BAALC: variants seen among roughly 807,000 people sequenced by gnomAD.
The protein encoded by BAALC is brain and acute leukemia cytoplasmic protein.
A neutral mutation model predicts 15.5 loss-of-function variants in BAALC; 9 were observed. That is an observed-to-expected ratio of 0.58 (90% CI 0.35 to 1.02). BAALC has a LOEUF of 1.02. Among genes scored for constraint, BAALC ranks in the 50% least tolerant of loss-of-function variants. The probability of loss-of-function intolerance (pLI) is 0.02; values close to 1 mark genes in which losing one functional copy is unlikely to be tolerated. For missense variants in BAALC, 201 were observed against 192.4 expected (o/e 1.04, Z -0.27); for synonymous variants, 80 against 74.6 (o/e 1.07, Z -0.37).
Position 103,224,687 on chromosome 8 carries a change from G to A in BAALC, c.328-3302G>A, listed in dbSNP as rs576887810. Among the ~76,000 whole-genome samples the A allele has an allele frequency of 2.2e-4, 33 of 151,652 alleles. 1 individual carries two copies. In the South Asian group the frequency reaches 6.9e-3, roughly 32 times the overall value. The stretch of plus-strand genomic sequence containing the variant: ...TCACCTGGATCTGGAAAGGAAGGAA[G>A]GAAAAAAAAGGAAGGGGAAAGGGGA... On this transcript the variant is annotated intron_variant, in intron 2 of 2. Coordinates refer to ENST00000309982, the MANE Select transcript of BAALC (RefSeq NM_024812.3).
chr8:103,170,470 G>T (rs144503905), intron 1 of BAALC, among the ~76,000 whole-genome samples: 1 of 152,274 alleles, frequency 6.6e-6, no homozygotes, highest in Non-Finnish European at 1.5e-5. Flanking sequence ...AATGGCTGTT[G>T]TTCTTGTAAG....
At chr8:103,201,689 G>T (rs561534672) in intron 1 of BAALC, among the ~76,000 whole-genome samples, 1 of 152,336 alleles carries the variant, frequency 6.6e-6, no homozygotes, top group East Asian at 1.9e-4. Context: ...ACAGGGAGAA[G>T]CAGCAAGGAA....
intron 2 of BAALC, among the ~76,000 whole-genome samples, chr8:103,213,791 T>C (rs1023515895): frequency 2.0e-5 from 3 of 152,102 alleles, no homozygotes; most frequent in Non-Finnish European, 4.4e-5. Context: ...CCCCACCCCC[T>C]TCAAAATCCA....
intron 1 of BAALC, among the ~76,000 whole-genome samples, chr8:103,188,464 G>T (rs1371521844): frequency 2.0e-5 from 3 of 152,184 alleles, no homozygotes; most frequent in African/African-American, 7.2e-5. Flanking sequence ...GCTGCACATG[G>T]CTTAGAAGTT....
At chr8:103,221,698 G>C (rs1056069190) in intron 2 of BAALC, among the ~76,000 whole-genome samples, 1 of 152,168 alleles carries the variant, frequency 6.6e-6, no homozygotes, top group Non-Finnish European at 1.5e-5. Context: ...CAAACTTCTA[G>C]ATAAAATATC....
At chr8:103,155,741 C>T (rs901274497) in intron 1 of BAALC, among the ~76,000 whole-genome samples, 5 of 152,198 alleles carry the variant, frequency 3.3e-5, no homozygotes, top group Admixed American at 3.3e-4. Context: ...CTCAAACAAA[C>T]GTCCCACCCC....
chr8:103,209,909 G>A (rs1179272787), intron 1 of BAALC, among the ~76,000 whole-genome samples: 1 of 152,204 alleles, frequency 6.6e-6, no homozygotes, highest in Non-Finnish European at 1.5e-5. Flanking sequence ...GGAGGACACT[G>A]AGTAGCACTA....
intron 1 of BAALC, among the ~76,000 whole-genome samples, chr8:103,154,211 G>T (rs1332441269): frequency 6.6e-6 from 1 of 152,092 alleles, no homozygotes; most frequent in African/African-American, 2.4e-5. Context: ...AGCTAACTCT[G>T]TTATTTCCAT....
chr8:103,156,661 GTCTC>G (rs781380348), intron 1 of BAALC, among the ~76,000 whole-genome samples: 1 of 152,234 alleles, frequency 6.6e-6, no homozygotes, highest in Non-Finnish European at 1.5e-5. Flanking sequence ...ATCTCACTGT[GTCTC>G]TCTGAGTTTC....
chr8:103,222,865 A>G (rs1475564261), intron 2 of BAALC, among the ~76,000 whole-genome samples: 2 of 152,214 alleles, frequency 1.3e-5, no homozygotes, highest in Non-Finnish European at 2.9e-5. Context: ...TCGTTTCAGT[A>G]TAATGAGGCT....
chr8:103,216,665 G>A (rs1254803227), intron 2 of BAALC, among the ~76,000 whole-genome samples: 3 of 152,042 alleles, frequency 2.0e-5, no homozygotes, highest in African/African-American at 7.2e-5. Flanking sequence ...TTGCAGAGAG[G>A]AGATCTCACT....
At chr8:103,224,355 A>G (rs1256142133) in intron 2 of BAALC, among the ~76,000 whole-genome samples, 1 of 150,276 alleles carries the variant, frequency 6.7e-6, no homozygotes, top group Non-Finnish European at 1.5e-5. Context: ...GGCATGAGAC[A>G]TCAATCAAAT....
At chr8:103,163,413 C>G (rs1811273178) in intron 1 of BAALC, among the ~76,000 whole-genome samples, 2 of 152,156 alleles carry the variant, frequency 1.3e-5, no homozygotes, top group Non-Finnish European at 2.9e-5. Context: ...CAAATACTGT[C>G]AGCCAAGTTC....
rs1220195252 is a variant in BAALC at position 103,229,509 on chromosome 8, T to C, written c.*1410T>C. On this transcript the variant is annotated 3_prime_UTR_variant, in exon 3 of 3. Coordinates refer to ENST00000309982, the MANE Select transcript of BAALC (RefSeq NM_024812.3). Reference sequence around the variant, plus strand: ...CTTCCTTCCTTCCATTGGCAGATTGTATATTTATTCACAAAACATTAAATG... The same window carrying C: ...CTTCCTTCCTTCCATTGGCAGATTGCATATTTATTCACAAAACATTAAATG... 1.3e-5 allele frequency: 2 copies of C among 152,202 alleles called. No homozygotes were observed. Among genetic ancestry groups the C allele is most frequent in the African/African-American group, 4.8e-5 (2 of 41,442 alleles). The allele number at this position is 152,202 out of a possible 1,614,324, so 9.4% of individuals were successfully genotyped here.
chr8:103,162,778 T>C (rs1475349204), intron 1 of BAALC, among the ~76,000 whole-genome samples: 2 of 152,112 alleles, frequency 1.3e-5, no homozygotes, highest in African/African-American at 4.8e-5. Flanking sequence ...ATAAAGGACC[T>C]GAGATTTTAC....
At chr8:103,216,122 G>A (rs188682971) in intron 2 of BAALC, among the ~76,000 whole-genome samples, 29 of 152,172 alleles carry the variant, frequency 1.9e-4, no homozygotes, top group African/African-American at 7.2e-5. Context: ...CATTTTCATC[G>A]TTATGTATAT....
chr8:103,203,422 A>G (rs1022224441), intron 1 of BAALC, among the ~76,000 whole-genome samples: 1 of 152,240 alleles, frequency 6.6e-6, no homozygotes, highest in African/African-American at 2.4e-5. Context: ...GAAAAATGAC[A>G]GCTTTGTTGA....
At chr8:103,185,570 C>A (rs1477259301) in intron 1 of BAALC, among the ~76,000 whole-genome samples, 1 of 152,248 alleles carries the variant, frequency 6.6e-6, no homozygotes, top group African/African-American at 2.4e-5. Context: ...ACAAAGACAT[C>A]AGTGCTTCAG....
At chr8:103,187,753 C>A (rs117858094) in intron 1 of BAALC, among the ~76,000 whole-genome samples, 373 of 152,278 alleles carry the variant, frequency 2.4e-3, no homozygotes, top group Non-Finnish European at 4.1e-3. Context: ...CTGGGTCCTT[C>A]TTCCCTTAGA....
Sources: gnomAD v4.1 joint callset for allele counts (sites outside exome capture counted in the v4.1 genomes callset) on GRCh38, gnomAD v4.1.1 for gene constraint, MANE v1.5 for transcripts, NCBI Gene and HGNC (gene_info 2026-07-23, HGNC 2026-07-21) for gene names.